The following USP34 variants were observed in gnomAD, a reference collection of about 807,000 sequenced individuals.
The protein encoded by USP34 is ubiquitin carboxyl-terminal hydrolase 34.
In USP34, 70 loss-of-function variants were observed where a neutral mutation model predicts 460.3. The observed-to-expected ratio is 0.15, with a 90% CI of 0.13 to 0.19. The LOEUF is 0.19. Among genes scored for constraint, USP34 ranks in the 10% least tolerant of loss-of-function variants. The pLI is 1.00. For missense variants in USP34, 3,985 were observed against 4,236.2 expected, an observed-to-expected ratio of 0.94 and a Z score of 1.65; for synonymous variants, 1,647 against 1,405.3, an observed-to-expected ratio of 1.17 and a Z score of -3.85.
Position 61,246,395 on chromosome 2 carries a change from C to G in USP34, c.6477G>C (p.Thr2159=). Residue 2159 remains threonine, a synonymous_variant, in exon 50 of 80, where the codon ACG becomes ACC. Transcript: ENST00000398571. ...AGCTATAATAGTGTCCACCATCTGC[C>G]GTTCCTGTGTGAACAGTCACTCCTA... ...DLIGVTVHTG[T]ADGGHYYSFI... The G allele has an allele frequency of 1.2e-6, 2 of 1,611,026 alleles. No individual in the cohort carries two copies. Among genetic ancestry groups the G allele is most frequent in the Non-Finnish European group, 1.7e-6 (2 of 1,178,272 alleles).
At chr2:61,213,405 CTA>C (rs912634288) in intron 68 of USP34, among the ~76,000 whole-genome samples, 1 of 152,060 alleles carries the variant, frequency 6.6e-6, no homozygotes, top group African/African-American at 2.4e-5. Flanking sequence ...AAAAGACCGT[CTA>C]TAAAGGACGG....
At position 61,311,865 on chromosome 2, in the gene USP34, A is replaced by G. The variant is rs1340394106; in HGVS notation, c.3588T>C (p.Ile1196=). ...LRQWQIEGTG[I]SSHLKALSDK... ...CACTCAGTGCTTTCAAATGACTACT[A>G]ATACCAGTGCCTTCAATTTGCCACT... Residue 1196 remains isoleucine (I), a synonymous_variant, in exon 26 of 80, where the codon ATT becomes ATC. Coordinates refer to ENST00000398571, the MANE Select transcript of USP34 (RefSeq NM_014709.4). 6.2e-7 allele frequency: 1 copy of G among 1,613,964 alleles called. No homozygotes were observed. The highest frequency in any genetic ancestry group is 1.7e-5 in the Admixed American group (1 of 59,990).
intron 27 of USP34, among the ~76,000 whole-genome samples, chr2:61,310,409 A>G (rs1690549851): frequency 6.6e-6 from 1 of 152,102 alleles, no homozygotes; most frequent in South Asian, 2.1e-4. Context: ...GCAGATCTCA[A>G]AAAGAATGAG....
intron 10 of USP34, among the ~76,000 whole-genome samples, chr2:61,352,042 G>A (rs530154591): frequency 2.0e-5 from 3 of 152,040 alleles, no homozygotes; most frequent in Non-Finnish European, 4.4e-5. Context: ...TTCAGGTTTT[G>A]GATTTTTCCA....
Position 61,470,617 on chromosome 2 carries a change from G to A in USP34, c.43+33C>T, listed in dbSNP as rs748829280. The A allele has an allele frequency of 7.9e-6, 12 of 1,518,782 alleles. No individual in the cohort carries two copies. In the Admixed American group the frequency reaches 1.5e-4, roughly 20 times the overall value. The allele number at this position is 1,518,782 out of a possible 1,614,324, so 94.1% of individuals were successfully genotyped here. A position where few individuals can be genotyped will look rare whatever the true frequency, so the allele number is the denominator to read the frequency against. On this transcript the variant is annotated intron_variant, in intron 1 of 79. Coordinates refer to ENST00000398571, the MANE Select transcript of USP34 (RefSeq NM_014709.4). ...GAGCTGCGCGAGGACCCCAAACCGTGCACCCCGACAGGCCGCTACCGCGGC... is the reference window on the plus strand; with the variant it reads ...GAGCTGCGCGAGGACCCCAAACCGTACACCCCGACAGGCCGCTACCGCGGC...
chr2:61,281,940 T>C (rs1689547643), intron 37 of USP34, among the ~76,000 whole-genome samples: 1 of 152,220 alleles, frequency 6.6e-6, no homozygotes, highest in Non-Finnish European at 1.5e-5. Context: ...AATGGTTACC[T>C]GAGACAGGAC....
intron 1 of USP34, among the ~76,000 whole-genome samples, chr2:61,467,618 T>TTG (rs1695813730): frequency 3.6e-5 from 1 of 28,086 alleles, no homozygotes; most frequent in Non-Finnish European, 8.4e-5. Context: ...TGTAACTTTG[T>TTG]TTTTTTTTTT....
rs1426711630 is a variant in USP34 at position 61,265,314 on chromosome 2, TTAC to T, written c.5778+80_5778+82del. 2.5e-5 allele frequency: 35 copies of T among 1,427,604 alleles called. No homozygotes were observed. In the South Asian group the frequency reaches 2.5e-4, roughly 10 times the overall value. The allele number at this position is 1,427,604 out of a possible 1,614,324, so 88.4% of individuals were successfully genotyped here. ...ATTCACAAATTATTTTTTCAAACAT[TTAC>T]TACATTGAAATAAAAATTTATCAAC... On this transcript the variant is annotated intron_variant, in intron 43 of 79. Coordinates refer to ENST00000398571, the MANE Select transcript of USP34 (RefSeq NM_014709.4).
chr2:61,302,144 T>C (rs1473854127), intron 27 of USP34, among the ~76,000 whole-genome samples: 1 of 151,920 alleles, frequency 6.6e-6, no homozygotes, highest in African/African-American at 2.4e-5. Context: ...GGAAAAAAAA[T>C]GATTAGAGCA....
At chr2:61,366,922 A>G (rs1692458798) in intron 10 of USP34, among the ~76,000 whole-genome samples, 1 of 152,104 alleles carries the variant, frequency 6.6e-6, no homozygotes, top group African/African-American at 2.4e-5. Context: ...GGTGGTGTGC[A>G]TCTGTAGTCC....
At position 61,446,761 on chromosome 2, in the gene USP34, A is replaced by G. The variant is rs1376621950; in HGVS notation, c.43+23889T>C. Among the ~76,000 whole-genome samples, 11 of 151,294 alleles carry G rather than the reference A, an allele frequency of 7.3e-5. No homozygotes were observed. The East Asian group carries it at 2.1e-3, about 29-fold the overall frequency. On this transcript the variant is annotated intron_variant, in intron 1 of 79. Transcript: ENST00000398571. ...CAATGAGCCGAGATCGTGCCACTACACTGCAGCCTGGGCAACAGAGCAAGA... is the reference window on the plus strand; with the variant it reads ...CAATGAGCCGAGATCGTGCCACTACGCTGCAGCCTGGGCAACAGAGCAAGA...
In USP34 at chr2:61,464,480, G is replaced by C. The variant is rs1229937579; in HGVS notation, c.43+6170C>G. On this transcript the variant is annotated intron_variant, in intron 1 of 79. Transcript: ENST00000398571. ...TTCAACTTTTTCACCAAATGGTATT[G>C]GGATACAACACTTGCTCTTGCCTAT... Among the ~76,000 whole-genome samples, 4 of 152,304 alleles carry C rather than the reference G, an allele frequency of 2.6e-5. No individual in the cohort carries two copies. In the East Asian group the frequency reaches 5.8e-4, roughly 22 times the overall value.
At position 61,214,606 on chromosome 2, in the gene USP34, A is replaced by G; in HGVS notation, c.8136T>C (p.Arg2712=). 1 of 1,614,194 alleles carries G rather than the reference A, an allele frequency of 6.2e-7. No individual in the cohort carries two copies. Among genetic ancestry groups the G allele is most frequent in the Non-Finnish European group, 8.5e-7 (1 of 1,180,010 alleles). The change falls in exon 68 of 80, where the codon CGT becomes CGC. Residue 2712 remains arginine, a synonymous_variant. Transcript: ENST00000398571. ...RSTRSLHIPT[R]DLPLSPDTTV... ...TTGTGTCTGGACTGAGTGGAAGGTC[A>G]CGGGTTGGGATGTGCAAAGACCTTG...
intron 1 of USP34, among the ~76,000 whole-genome samples, chr2:61,426,241 T>C (rs1694508489): frequency 6.6e-6 from 1 of 152,122 alleles, no homozygotes; most frequent in African/African-American, 2.4e-5. Context: ...AACTTTGTCT[T>C]ACAGCTTAGG....
At chr2:61,393,706 A>G (rs1238728467) in intron 5 of USP34, among the ~76,000 whole-genome samples, 2 of 152,186 alleles carry the variant, frequency 1.3e-5, no homozygotes, top group Non-Finnish European at 2.9e-5. Flanking sequence ...GATATTAGCT[A>G]TTAATTAAGG....
Position 61,256,377 on chromosome 2 carries a change from A to G in USP34, c.6221+7T>C, listed in dbSNP as rs768171506. On this transcript the variant is annotated splice_region_variant and intron_variant, in intron 48 of 79. Transcript: ENST00000398571. The stretch of plus-strand genomic sequence containing the variant: ...ACATAATAAAAATCACATTTGAAAA[A>G]GCATACCTTTTTTCAGCTCGTACTT... The G allele has an allele frequency of 3.1e-6, 5 of 1,606,358 alleles. No homozygotes were observed. Among genetic ancestry groups the G allele is most frequent in the Non-Finnish European group, 4.3e-6 (5 of 1,174,164 alleles).
rs1686606379 is a variant in USP34, at chr2:61,190,524, A to G, written c.9723T>C (p.Leu3241=). The G allele has an allele frequency of 6.2e-7, 1 of 1,613,576 alleles. No homozygotes were observed. Among genetic ancestry groups the G allele is most frequent in the South Asian group, 1.1e-5 (1 of 90,926 alleles). Residue 3241 remains leucine (L), a synonymous_variant, in exon 77 of 80, where the codon CTT becomes CTC. Coordinates refer to ENST00000398571, the MANE Select transcript of USP34 (RefSeq NM_014709.4). ...NIVYTFMTHF[L]LKVQSQVFSE... ...TTTCCAAAGTACTACGTACCTTTAGAAGGAAATGTGTCATGAACGTGTAGA... is the reference window on the plus strand; with the variant it reads ...TTTCCAAAGTACTACGTACCTTTAGGAGGAAATGTGTCATGAACGTGTAGA...
chr2:61,464,653 G>T (rs920284854), intron 1 of USP34, among the ~76,000 whole-genome samples: 1 of 145,292 alleles, frequency 6.9e-6, no homozygotes, highest in Non-Finnish European at 1.5e-5. Context: ...GGAGGCGGAG[G>T]TTGCAGTGAG....
At chr2:61,389,795 C>T (rs1239444090) in intron 5 of USP34, among the ~76,000 whole-genome samples, 1 of 151,666 alleles carries the variant, frequency 6.6e-6, no homozygotes, top group African/African-American at 2.4e-5. Flanking sequence ...CTGCTTAGTG[C>T]TAATGGAATT....
Sources: allele counts gnomAD v4.1 joint callset (sites outside exome capture counted in the v4.1 genomes callset), GRCh38; gene constraint gnomAD v4.1.1; transcripts MANE v1.5; gene names NCBI Gene and HGNC (gene_info 2026-07-23, HGNC 2026-07-21).